Variants in FRMD3 observed in about 807,000 individuals in gnomAD.
FRMD3 encodes FERM domain containing 3, also known as FERM domain-containing protein 3.
Under a neutral mutation model 70.2 loss-of-function variants are expected in FRMD3, and 33 were observed. That is an observed-to-expected ratio of 0.47 (90% CI 0.36 to 0.63). The LOEUF is 0.63. FRMD3 is among the 20% of genes least tolerant of loss of function. The pLI, the probability that FRMD3 is intolerant of heterozygous loss-of-function variation, is 0.00. For synonymous variants in FRMD3, 279 were observed against 255.9 expected (o/e 1.09, Z -0.86); for missense variants, 632 against 711.4 (o/e 0.89, Z 1.27).
At chr9:83,359,183 C>T (rs1237469661) in intron 3 of FRMD3, among the ~76,000 whole-genome samples, 1 of 152,118 alleles carries the variant, frequency 6.6e-6, no homozygotes, top group Non-Finnish European at 1.5e-5. Flanking sequence ...CAGTTCCCTC[C>T]TATGCTTTTA....
chr9:83,403,006 C>A (rs754230287), intron 1 of FRMD3, among the ~76,000 whole-genome samples: 1 of 146,064 alleles, frequency 6.8e-6, no homozygotes, highest in Non-Finnish European at 1.5e-5. Flanking sequence ...CGGGTTCAAG[C>A]GATTCTCCTG....
intron 3 of FRMD3, among the ~76,000 whole-genome samples, chr9:83,354,652 T>C (rs1417435674): frequency 6.6e-6 from 1 of 152,026 alleles, no homozygotes; most frequent in Non-Finnish European, 1.5e-5. Context: ...GAATCTAAAA[T>C]AAAAGTTAAA....
At chr9:83,484,820 G>A (rs933491899) in intron 1 of FRMD3, among the ~76,000 whole-genome samples, 19 of 152,260 alleles carry the variant, frequency 1.2e-4, no homozygotes, top group Middle Eastern at 3.4e-3. Flanking sequence ...AATATTATCC[G>A]CATCCTAGTA....
chr9:83,362,201 C>T (rs1269069385), intron 3 of FRMD3, among the ~76,000 whole-genome samples: 3 of 151,408 alleles, frequency 2.0e-5, no homozygotes, highest in Non-Finnish European at 4.4e-5. Context: ...CTCTCTCTCT[C>T]TCTCTCTCAA....
chr9:83,378,306 G>T (rs1387982236), intron 2 of FRMD3, among the ~76,000 whole-genome samples: 1 of 141,778 alleles, frequency 7.1e-6, no homozygotes, highest in Non-Finnish European at 1.5e-5. Context: ...TGTCACCCAG[G>T]CTGGAGTGCA....
intron 1 of FRMD3, among the ~76,000 whole-genome samples, chr9:83,420,985 G>A (rs1230533184): frequency 1.5e-5 from 2 of 131,514 alleles, no homozygotes; most frequent in Non-Finnish European, 3.1e-5. Flanking sequence ...CTGTCGCCCA[G>A]GCTGGAGTGC....
intron 1 of FRMD3, among the ~76,000 whole-genome samples, chr9:83,486,127 T>C (rs1371715335): frequency 1.3e-5 from 2 of 152,222 alleles, no homozygotes; most frequent in Non-Finnish European, 2.9e-5. Context: ...TATTTATTTA[T>C]GTTGATCAAC....
intron 1 of FRMD3, among the ~76,000 whole-genome samples, chr9:83,474,441 GA>G (rs1317734861): frequency 6.6e-6 from 1 of 152,118 alleles, no homozygotes. Flanking sequence ...AAAAAGTTAT[GA>G]AAAATCAAAG....
chr9:83,284,702 GA>G, intron 13 of FRMD3, among the ~76,000 whole-genome samples: 1 of 152,342 alleles, frequency 6.6e-6, no homozygotes, highest in Admixed American at 6.5e-5. Flanking sequence ...GCATCTGGGG[GA>G]AAATGGTGGG....
chr9:83,549,375 T>C, the FRMD3 span, among the ~76,000 whole-genome samples: 1 of 152,216 alleles, frequency 6.6e-6, no homozygotes, highest in Non-Finnish European at 1.5e-5. Flanking sequence ...TTAGGTTGAT[T>C]CCATGTCCTT....
intron 13 of FRMD3, among the ~76,000 whole-genome samples, chr9:83,283,618 A>G (rs35253582): frequency 0.12 from 18,055 of 151,780 alleles, 1,406 homozygotes; most frequent in East Asian, 0.17. Context: ...TTGCTAATCC[A>G]ATACTGCAAT....
intron 13 of FRMD3, among the ~76,000 whole-genome samples, chr9:83,261,140 C>G (rs186962379): frequency 1.3e-5 from 2 of 149,920 alleles, no homozygotes; most frequent in African/African-American, 2.5e-5. Context: ...CACACACACA[C>G]AGCAGATCCT....
intron 1 of FRMD3, among the ~76,000 whole-genome samples, chr9:83,432,545 C>T (rs972005105): frequency 6.6e-6 from 1 of 152,190 alleles, no homozygotes; most frequent in African/African-American, 2.4e-5. Context: ...AGCACCCCAC[C>T]ACAGAAAATG....
At chr9:83,565,110 A>G in the FRMD3 span, among the ~76,000 whole-genome samples, 1 of 152,218 alleles carries the variant, frequency 6.6e-6, no homozygotes. Context: ...CCTGGGAATA[A>G]TAATGAGATT....
intron 2 of FRMD3, among the ~76,000 whole-genome samples, chr9:83,379,772 C>T (rs1373046949): frequency 6.6e-6 from 1 of 152,148 alleles, no homozygotes; most frequent in Non-Finnish European, 1.5e-5. Flanking sequence ...CTCCACAAAC[C>T]AGGGTAGCTC....
At chr9:83,271,413 T>C (rs1357299965) in intron 13 of FRMD3, among the ~76,000 whole-genome samples, 1 of 152,126 alleles carries the variant, frequency 6.6e-6, no homozygotes, top group African/African-American at 2.4e-5. Flanking sequence ...ATAAAACATA[T>C]AAACAATAAT....
intron 4 of FRMD3, among the ~76,000 whole-genome samples, chr9:83,346,030 C>T (rs530629191): frequency 1.2e-4 from 19 of 152,134 alleles, no homozygotes; most frequent in African/African-American, 4.1e-4. Context: ...CCGAGGCAGG[C>T]GGATAGCCTG....
chr9:83,573,262 A>T, the FRMD3 span, among the ~76,000 whole-genome samples: 1 of 151,504 alleles, frequency 6.6e-6, no homozygotes, highest in Non-Finnish European at 1.5e-5. Flanking sequence ...GAAGATGGGA[A>T]GAAGATGGTG....
chr9:83,509,278 T>C (rs777698383), intron 1 of FRMD3, among the ~76,000 whole-genome samples: 11 of 152,178 alleles, frequency 7.2e-5, no homozygotes, highest in Non-Finnish European at 1.3e-4. Flanking sequence ...TTACAATCTT[T>C]AGCTCATTTA....
Sources: gnomAD v4.1 joint callset for allele counts (sites outside exome capture counted in the v4.1 genomes callset) on GRCh38, gnomAD v4.1.1 for gene constraint, MANE v1.5 for transcripts, NCBI Gene and HGNC (gene_info 2026-07-23, HGNC 2026-07-21) for gene names.